Variants in N4BP2 observed in about 807,000 individuals in gnomAD.
The protein encoded by N4BP2 is NEDD4-binding protein 2.
N4BP2 carries 91 observed loss-of-function variants against 152.8 expected under a neutral mutation model. The ratio of observed to expected loss-of-function variants is 0.60; its 90% CI spans 0.50 to 0.71. N4BP2 has a LOEUF of 0.71. Ranked by LOEUF, N4BP2 falls within the 30% of genes least tolerant of loss-of-function variation. The pLI, the probability that N4BP2 is intolerant of heterozygous loss-of-function variation, is 0.00. For missense variants in N4BP2, 1,923 were observed against 2,059.1 expected (o/e 0.93, Z 1.28); for synonymous variants, 646 against 705.3 (o/e 0.92, Z 1.33).
chr4:40,145,203 C>G (rs1283362795), intron 16 of N4BP2, among the ~76,000 whole-genome samples: 2 of 151,942 alleles, frequency 1.3e-5, no homozygotes, highest in Non-Finnish European at 2.9e-5. Flanking sequence ...TAGGATTCTC[C>G]CACTCCAGTA....
At position 40,113,753 on chromosome 4, in the gene N4BP2, A is replaced by G. The variant is rs1483711379; in HGVS notation, c.1664+245A>G. Among the ~76,000 whole-genome samples, 6 of 152,046 alleles carry G rather than the reference A, an allele frequency of 3.9e-5. No individual in the cohort carries two copies. The East Asian group carries it at 9.6e-4, about 24-fold the overall frequency. On this transcript the variant is annotated intron_variant, in intron 7 of 17. Transcript: ENST00000261435. Reference sequence around the variant, plus strand: ...TTACTACCTTTTTTGAGTTTTATTTATTCGTTTATTTATTTAAATATAGAG... The same window carrying G: ...TTACTACCTTTTTTGAGTTTTATTTGTTCGTTTATTTATTTAAATATAGAG...
intron 2 of N4BP2, among the ~76,000 whole-genome samples, chr4:40,090,379 A>G (rs947687223): frequency 6.6e-6 from 1 of 152,160 alleles, no homozygotes; most frequent in African/African-American, 2.4e-5. Flanking sequence ...GAATTGACAT[A>G]TTTACTGTGT....
intron 2 of N4BP2, among the ~76,000 whole-genome samples, chr4:40,084,633 T>TAA (rs1236196747): frequency 6.8e-4 from 40 of 58,966 alleles, no homozygotes; most frequent in Non-Finnish European, 1.7e-3. Flanking sequence ...TATATATAAT[T>TAA]TTTTTTTTTT....
intron 1 of N4BP2, among the ~76,000 whole-genome samples, chr4:40,068,918 A>C (rs1021854119): frequency 6.6e-5 from 10 of 152,126 alleles, no homozygotes; most frequent in African/African-American, 2.4e-4. Flanking sequence ...CAGGGGTTCA[A>C]GACCAGCCTG....
the N4BP2 span, among the ~76,000 whole-genome samples, chr4:40,169,361 A>G: frequency 1.3e-5 from 2 of 151,112 alleles, no homozygotes; most frequent in African/African-American, 4.9e-5. Context: ...CAGCCAGCAA[A>G]ACAGAGCAAG....
At chr4:40,159,045 G>T (rs1056717571), downstream of N4BP2, among the ~76,000 whole-genome samples, 14 of 152,142 alleles carry the variant, frequency 9.2e-5, no homozygotes, top group African/African-American at 2.4e-4. Flanking sequence ...AATCTCAAGA[G>T]AATTTTATTA....
At chr4:40,105,465 C>T (rs371828039) in intron 4 of N4BP2, among the ~76,000 whole-genome samples, 3 of 151,506 alleles carry the variant, frequency 2.0e-5, no homozygotes, top group East Asian at 3.9e-4. Context: ...GCTGGGATTA[C>T]AGGTATCTGC....
chr4:40,145,894 G>A (rs1204420750), intron 16 of N4BP2, among the ~76,000 whole-genome samples: 1 of 152,114 alleles, frequency 6.6e-6, no homozygotes, highest in Non-Finnish European at 1.5e-5. Flanking sequence ...CGGGTGCGGT[G>A]GCTCATGCCT....
chr4:40,082,958 C>T (rs2109922152), intron 2 of N4BP2: 2 of 201,144 alleles, frequency 9.9e-6, no homozygotes, highest in Non-Finnish European at 2.1e-5. Context: ...CCTCAGCCTC[C>T]CAAAGTGCTG....
chr4:40,121,964 T>C lies in N4BP2; in HGVS notation c.3853T>C (p.Ser1285Pro). 6.4e-7 allele frequency: 1 copy of C among 1,559,430 alleles called. No individual in the cohort carries two copies. The highest frequency in any genetic ancestry group is 2.3e-5 in the East Asian group (1 of 44,402). Residue 1285 changes from serine to proline, a missense_variant, in exon 9 of 18, where the codon TCT becomes CCT. Coordinates refer to ENST00000261435, the MANE Select transcript of N4BP2 (RefSeq NM_018177.6). ...GDNIHSPSHF[S>P]DIFNFVSSTS... ...CAACATACATTCTCCTTCACATTTC[T>C]CTGATATTTTTAACTTTGTATCTAG...
At chr4:40,171,391 G>T in the N4BP2 span, among the ~76,000 whole-genome samples, 1 of 152,152 alleles carries the variant, frequency 6.6e-6, no homozygotes, top group Admixed American at 6.5e-5. Flanking sequence ...GCTTCCCAGG[G>T]TAATGCTGTG....
intron 16 of N4BP2, among the ~76,000 whole-genome samples, chr4:40,151,596 T>C (rs1579160288): frequency 6.6e-6 from 1 of 152,278 alleles, no homozygotes; most frequent in East Asian, 1.9e-4. Context: ...ATGCGTAATA[T>C]AACATATGTA....
intron 1 of N4BP2, among the ~76,000 whole-genome samples, chr4:40,066,000 G>A (rs183310370): frequency 5.6e-4 from 85 of 151,822 alleles, no homozygotes; most frequent in Middle Eastern, 6.8e-3. Context: ...GCGTGATCTC[G>A]GCTCACTGCA....
chr4:40,087,252 C>T (rs930830435), intron 2 of N4BP2, among the ~76,000 whole-genome samples: 3 of 151,880 alleles, frequency 2.0e-5, no homozygotes, highest in African/African-American at 4.8e-5. Context: ...TTTCCTTTTC[C>T]CCTTCCCCTC....
chr4:40,167,133 C>T, the N4BP2 span: 1 of 152,296 alleles, frequency 6.6e-6, no homozygotes, highest in Admixed American at 6.5e-5. Context: ...TTGTGGTGAT[C>T]TGATATTATC....
rs1024369984 is a variant in N4BP2 at position 40,157,321 on chromosome 4, A to G, written c.*3084A>G. The G allele has an allele frequency of 1.3e-5, 2 of 152,056 alleles. No individual in the cohort carries two copies. Among genetic ancestry groups the G allele is most frequent in the East Asian group, 1.9e-4 (1 of 5,196 alleles). 9.4% of individuals were successfully genotyped at this position (152,056 alleles called of 1,614,324 possible). A position where few individuals can be genotyped will look rare whatever the true frequency, so the allele number is the denominator to read the frequency against. On this transcript the variant is annotated 3_prime_UTR_variant, in exon 18 of 18. Coordinates refer to ENST00000261435, the MANE Select transcript of N4BP2 (RefSeq NM_018177.6). The stretch of plus-strand genomic sequence containing the variant: ...TTGCAACTTTATGGCCTTTAAATAT[A>G]GGACATATTATATAGCAGAAATTTT...
intron 11 of N4BP2, among the ~76,000 whole-genome samples, chr4:40,124,639 G>A (rs754358381): frequency 7.2e-5 from 11 of 151,978 alleles, no homozygotes; most frequent in Admixed American, 5.9e-4. Context: ...GAGCCACTGC[G>A]CCCAGCCAGT....
chr4:40,125,167 C>G (rs1442477711), intron 11 of N4BP2, among the ~76,000 whole-genome samples: 1 of 152,168 alleles, frequency 6.6e-6, no homozygotes, highest in African/African-American at 2.4e-5. Context: ...GTCATAGCCT[C>G]AAGAGCTACA....
the N4BP2 span, among the ~76,000 whole-genome samples, chr4:40,168,778 G>A: frequency 6.6e-6 from 1 of 151,388 alleles, no homozygotes; most frequent in African/African-American, 2.4e-5. Context: ...AAGCTGGAGT[G>A]CAATGGTGCA....
Sources: allele counts gnomAD v4.1 joint callset (sites outside exome capture counted in the v4.1 genomes callset), GRCh38; gene constraint gnomAD v4.1.1; transcripts MANE v1.5; gene names NCBI Gene and HGNC (gene_info 2026-07-23, HGNC 2026-07-21).